ACSM2B: variants seen among roughly 807,000 people sequenced by gnomAD.
The protein encoded by ACSM2B is acyl-CoA synthetase medium chain family member 2B, also known as acyl-coenzyme A synthetase ACSM2B, mitochondrial.
Under a neutral mutation model 78.6 loss-of-function variants are expected in ACSM2B, and 58 were observed. The observed-to-expected ratio is 0.74, with a 90% confidence interval of 0.60 to 0.92. The LOEUF (loss-of-function observed/expected upper bound fraction) is 0.92, where lower values mean the gene tolerates loss of function less well. ACSM2B is among the 40% of genes least tolerant of loss of function. The pLI, the probability that ACSM2B is intolerant of heterozygous loss-of-function variation, is 0.00. For synonymous variants in ACSM2B, 257 were observed against 256.8 expected, an observed-to-expected ratio of 1.00 and a Z score of -0.01; for missense variants, 688 against 711.2, an observed-to-expected ratio of 0.97 and a Z score of 0.37.
intron 2 of ACSM2B, among the ~76,000 whole-genome samples, chr16:20,559,762 A>G (rs2015593759): frequency 6.6e-6 from 1 of 151,036 alleles, no homozygotes; most frequent in African/African-American, 2.5e-5. Context: ...AAATGAAAAA[A>G]TAATGAGGAA....
At chr16:20,564,997 T>C in intron 1 of ACSM2B, 144 bp from the exon 2 acceptor site, 1 of 1,133,376 alleles carries the variant, frequency 8.8e-7, no homozygotes, top group Non-Finnish European at 1.2e-6. Flanking sequence ...ATTGGCACTC[T>C]GCATCTGTTT....
intron 6 of ACSM2B, 99 bp from the exon 7 acceptor site, chr16:20,548,572 G>A (rs2015213797): frequency 6.9e-6 from 11 of 1,593,580 alleles, no homozygotes; most frequent in East Asian, 2.2e-5. Context: ...AGTTGTAGAG[G>A]TCTGGATGAA....
chr16:20,538,194 C>G (rs1378931782), intron 13 of ACSM2B, among the ~76,000 whole-genome samples: 6 of 152,182 alleles, frequency 3.9e-5, no homozygotes, highest in African/African-American at 1.4e-4. Context: ...AAAGTATCTT[C>G]TTAGTGGCTG....
At chr16:20,565,812 C>T (rs1183563054) in intron 1 of ACSM2B, among the ~76,000 whole-genome samples, 1 of 151,952 alleles carries the variant, frequency 6.6e-6, no homozygotes, top group Non-Finnish European at 1.5e-5. Flanking sequence ...TATTCCTCAC[C>T]TCCTTCCCGT....
At chr16:20,566,619 TATATACTATATATA>T in intron 1 of ACSM2B, among the ~76,000 whole-genome samples, 2 of 60,114 alleles carry the variant, frequency 3.3e-5, no homozygotes, top group African/African-American at 1.8e-4. Context: ...ACATATAGTA[TATATACTATATATA>T]GTATATATAT....
chr16:20,559,533 G>A, intron 2 of ACSM2B, 86 bp from the exon 3 acceptor site: 3 of 1,503,590 alleles, frequency 2.0e-6, no homozygotes, highest in Non-Finnish European at 2.7e-6. Context: ...TGCCAAGCTG[G>A]TGCTTAGTAA....
intron 2 of ACSM2B, among the ~76,000 whole-genome samples, chr16:20,562,419 T>C (rs796319070): frequency 5.3e-5 from 8 of 152,224 alleles, no homozygotes; most frequent in African/African-American, 1.9e-4. Context: ...TCCATCAGAG[T>C]TATACTACTT....
intron 1 of ACSM2B, among the ~76,000 whole-genome samples, chr16:20,567,256 T>A (rs1207227088): frequency 7.8e-6 from 1 of 127,538 alleles, no homozygotes; most frequent in Non-Finnish European, 1.6e-5. Context: ...ATATAATATA[T>A]AATATATAGT....
intron 1 of ACSM2B, among the ~76,000 whole-genome samples, chr16:20,573,124 G>A (rs1363475756): frequency 6.6e-6 from 1 of 151,520 alleles, no homozygotes; most frequent in African/African-American, 2.4e-5. Flanking sequence ...ATTTTTGGGG[G>A]GAGGTGTTAA....
intron 13 of ACSM2B, among the ~76,000 whole-genome samples, 191 bp downstream of exon 13, chr16:20,540,463 G>C (rs140475592): frequency 7.6e-4 from 115 of 152,206 alleles, no homozygotes; most frequent in Non-Finnish European, 1.4e-3. Flanking sequence ...GGCTGGTCTT[G>C]AACTCCTGCC....
chr16:20,541,679 TTC>T (rs1491245715), intron 12 of ACSM2B: 16,972 of 72,582 alleles, frequency 0.23, 3,453 homozygotes, highest in African/African-American at 0.49. Context: ...TTCTTTTTCT[TTC>T]TTTTTTTTTT....
intron 11 of ACSM2B, 38 bp from the exon 12 acceptor site, chr16:20,543,051 C>A (rs547362426): frequency 6.2e-7 from 1 of 1,613,222 alleles, no homozygotes. Context: ...CACTGGACAC[C>A]GAACCTCTAG....
intron 1 of ACSM2B, among the ~76,000 whole-genome samples, chr16:20,566,626 T>C (rs2015857126): frequency 1.6e-5 from 1 of 61,144 alleles, no homozygotes; most frequent in South Asian, 6.6e-4. Flanking sequence ...GTATATATAC[T>C]ATATATAGTA....
At chr16:20,538,869 G>A (rs1161133610) in intron 13 of ACSM2B, among the ~76,000 whole-genome samples, 6 of 152,130 alleles carry the variant, frequency 3.9e-5, no homozygotes, top group African/African-American at 1.4e-4. Flanking sequence ...CTCAGAGGCT[G>A]CAAGTCCATG....
chr16:20,553,673 G>C (rs1185696011), intron 5 of ACSM2B, 104 bp downstream of exon 5: 1 of 1,504,140 alleles, frequency 6.6e-7, no homozygotes. Flanking sequence ...TTCTTTCTCA[G>C]AACCACAAGG....
chr16:20,557,525 T>C (rs573478963), intron 3 of ACSM2B, among the ~76,000 whole-genome samples: 2 of 152,346 alleles, frequency 1.3e-5, no homozygotes, highest in South Asian at 4.2e-4. Flanking sequence ...GCCTTCCTCA[T>C]CCCATTCCCT....
chr16:20,555,639 G>C (rs2015451578), intron 3 of ACSM2B, among the ~76,000 whole-genome samples, 163 bp from the exon 4 acceptor site: 1 of 152,112 alleles, frequency 6.6e-6, no homozygotes, highest in African/African-American at 2.4e-5. Context: ...ACTAGGGAGT[G>C]AATGAAACCT....
chr16:20,574,294 T>C (rs1158118962), intron 1 of ACSM2B: 1 of 152,176 alleles, frequency 6.6e-6, no homozygotes, highest in African/African-American at 2.4e-5. Flanking sequence ...AAATCACTGA[T>C]ATTCTGTTCT....
At chr16:20,569,777 T>C (rs1182479533) in intron 1 of ACSM2B, among the ~76,000 whole-genome samples, 1 of 151,308 alleles carries the variant, frequency 6.6e-6, no homozygotes, top group Non-Finnish European at 1.5e-5. Flanking sequence ...TTTCCTTGAA[T>C]AGGTCTTTGG....
Sources: allele counts gnomAD v4.1 joint callset (sites outside exome capture counted in the v4.1 genomes callset), GRCh38; gene constraint gnomAD v4.1.1; transcripts MANE v1.5; gene names NCBI Gene and HGNC (gene_info 2026-07-23, HGNC 2026-07-21).